LUZP4: variants seen among roughly 807,000 people sequenced by gnomAD.
LUZP4 encodes the protein leucine zipper protein 4.
LUZP4 carries 11 observed loss-of-function variants against 8.5 expected under a neutral mutation model. That is an observed-to-expected ratio of 1.30 (90% confidence interval 0.82 to 2.14). The LOEUF is 2.14. Among genes scored for constraint, LUZP4 ranks in the 30% most tolerant of loss-of-function variants. The probability of loss-of-function intolerance (pLI) is 0.00; values close to 1 mark genes in which losing one functional copy is unlikely to be tolerated. For missense variants in LUZP4, 276 were observed against 229.7 expected, an observed-to-expected ratio of 1.20 and a Z score of -1.30; for synonymous variants, 104 against 79.4, an observed-to-expected ratio of 1.31 and a Z score of -1.65.
chrX:115,291,877 G>C lies in LUZP4; in HGVS notation c.91+2027G>C, dbSNP rs782232309. On this transcript the variant is annotated intron_variant, in intron 1 of 3. Coordinates refer to ENST00000371920, the MANE Select transcript of LUZP4 (RefSeq NM_016383.5). Reference sequence around the variant, plus strand: ...ATGGAGGCTGCAGTGAGTTGAGATCGCCCCACTGCACTCCAGCCTGGGTGC... The same window carrying C: ...ATGGAGGCTGCAGTGAGTTGAGATCCCCCCACTGCACTCCAGCCTGGGTGC... Among the ~76,000 whole-genome samples the C allele has an allele frequency of 8.2e-5, 9 of 109,918 alleles. No individual in the cohort carries two copies. In the East Asian group the frequency reaches 2.3e-3, roughly 28 times the overall value.
intron 1 of LUZP4, among the ~76,000 whole-genome samples, chrX:115,295,557 T>G (rs1164119117): frequency 8.9e-6 from 1 of 112,171 alleles, no homozygotes; most frequent in African/African-American, 3.2e-5. Flanking sequence ...AACACATGCT[T>G]TAGAAAAGCA....
At chrX:115,304,606 G>A (rs2073411864) in intron 3 of LUZP4, among the ~76,000 whole-genome samples, 1 of 110,546 alleles carries the variant, frequency 9.0e-6, no homozygotes, top group African/African-American at 3.3e-5. Flanking sequence ...CTACCTCCCA[G>A]GCTCAAGCAA....
At chrX:115,290,749 A>G (rs1344966608) in intron 1 of LUZP4, among the ~76,000 whole-genome samples, 3 of 109,799 alleles carry the variant, frequency 2.7e-5, no homozygotes, top group African/African-American at 1.0e-4. Flanking sequence ...GAAATGGGGG[A>G]AGGAGGACAA....
At chrX:115,305,677 A>G (rs1556603500) in intron 3 of LUZP4, among the ~76,000 whole-genome samples, 1 of 112,828 alleles carries the variant, frequency 8.9e-6, no homozygotes, top group Non-Finnish European at 1.9e-5. Flanking sequence ...CTTGAATAGT[A>G]TTAAGCCAAC....
At chrX:115,302,354 A>T (rs1245129744) in intron 2 of LUZP4, among the ~76,000 whole-genome samples, 2 of 112,177 alleles carry the variant, frequency 1.8e-5, no homozygotes, top group African/African-American at 6.5e-5. Context: ...AGAGTGGGAT[A>T]AAAAAAGTAA....
chrX:115,292,899 G>C (rs782344630), intron 1 of LUZP4, among the ~76,000 whole-genome samples: 1 of 110,633 alleles, frequency 9.0e-6, no homozygotes, highest in African/African-American at 3.3e-5. Context: ...TTTTAAGATC[G>C]GTATCAATTT....
Position 115,306,287 on chromosome X carries a change from A to G in LUZP4, c.425A>G (p.Asn142Ser), listed in dbSNP as rs1556603768. Residue 142 changes from asparagine (N) to serine (S), a missense_variant, in exon 4 of 4, where the codon AAT becomes AGT. Transcript: ENST00000371920. ...GGGAACCAGCATCAATCAGAAGGAA[A>G]TCCGGACAAATCAGAAGAATCCCAG... The part of the protein sequence containing the change: ...SEGNQHQSEG[N>S]PDKSEESQGQ... The G allele has an allele frequency of 8.3e-7, 1 of 1,211,176 alleles. No homozygotes were observed. The highest frequency in any genetic ancestry group is 2.2e-5 in the Admixed American group (1 of 45,939).
chrX:115,301,058 A>T (rs782803845), intron 1 of LUZP4, among the ~76,000 whole-genome samples: 171 of 111,090 alleles, frequency 1.5e-3, no homozygotes, highest in African/African-American at 5.5e-3. Flanking sequence ...ACTAAGCAAA[A>T]TAATAAAGGA....
At chrX:115,303,532 C>T (rs1029130290) in intron 3 of LUZP4, 114 bp downstream of exon 3, 18 of 335,850 alleles carry the variant, frequency 5.4e-5, no homozygotes, top group African/African-American at 4.1e-4. Context: ...CTTGGTATTC[C>T]TCCATGGTGC....
Position 115,306,718 on chromosome X carries a change from G to A in LUZP4, c.856G>A (p.Asp286Asn). Residue 286 changes from aspartate (D) to asparagine (N), a missense_variant, in exon 4 of 4, where the codon GAT becomes AAT. Transcript: ENST00000371920. ...GAGAGATCTCGTGGCCACTGAGAGA[G>A]ATCTCATAAATCAGTCAGGGAGATC... ...TQRDLVATER[D>N]LINQSGRSHG... 1 of 1,210,842 alleles carries A rather than the reference G, an allele frequency of 8.3e-7. No individual in the cohort carries two copies. The highest frequency in any genetic ancestry group is 1.1e-6 in the Non-Finnish European group (1 of 895,243).
At position 115,301,924 on chromosome X, in the gene LUZP4, G is replaced by A. The variant is rs782141577; in HGVS notation, c.92-68G>A. ...CTGAAATATGATGAGATAAGATATAGATTATTCACTCGAGACATTATTTGG... is the reference window on the plus strand; with the variant it reads ...CTGAAATATGATGAGATAAGATATAAATTATTCACTCGAGACATTATTTGG... On this transcript the variant is annotated intron_variant, in intron 1 of 3. Transcript: ENST00000371920. The A allele has an allele frequency of 7.0e-6, 5 of 715,949 alleles. No individual in the cohort carries two copies. The South Asian group carries it at 1.9e-4, about 27-fold the overall frequency. 59.0% of individuals were successfully genotyped at this position (715,949 alleles called of 1,213,427 possible).
rs1008529146 is a variant in LUZP4 at position 115,294,530 on chromosome X, A to G, written c.91+4680A>G. 2.7e-5 allele frequency among the ~76,000 whole-genome samples: 3 copies of G among 111,823 alleles called. No homozygotes were observed. The South Asian group carries it at 1.1e-3, about 42-fold the overall frequency. On this transcript the variant is annotated intron_variant, in intron 1 of 3. Coordinates refer to ENST00000371920, the MANE Select transcript of LUZP4 (RefSeq NM_016383.5). ...AACGCTCACGTTTGGGTAGCCAGCA[A>G]TTTGGCAAGCTGGAGAAGTTACCTC...
intron 1 of LUZP4, among the ~76,000 whole-genome samples, chrX:115,295,772 C>T (rs1283728131): frequency 9.0e-6 from 1 of 110,530 alleles, no homozygotes; most frequent in African/African-American, 3.3e-5. Context: ...AACTCCACTC[C>T]CCTGTTAATT....
At chrX:115,300,482 T>G (rs1215256781) in intron 1 of LUZP4, among the ~76,000 whole-genome samples, 1 of 112,781 alleles carries the variant, frequency 8.9e-6, no homozygotes, top group African/African-American at 3.2e-5. Context: ...GGGCTGTGTA[T>G]GGCCTGCAGG....
At chrX:115,293,994 G>A (rs1172334386) in intron 1 of LUZP4, among the ~76,000 whole-genome samples, 7 of 111,449 alleles carry the variant, frequency 6.3e-5, no homozygotes, top group Non-Finnish European at 1.3e-4. Flanking sequence ...AAAATATTGT[G>A]TTGAGATATT....
rs190331723 is a variant in LUZP4, at chrX:115,303,485, G to C, written c.342+67G>C. 3 of 533,014 alleles carry C rather than the reference G, an allele frequency of 5.6e-6. No individual in the cohort carries two copies. In the African/African-American group the frequency reaches 7.3e-5, roughly 13 times the overall value. 43.9% of individuals were successfully genotyped at this position (533,014 alleles called of 1,213,427 possible). On this transcript the variant is annotated intron_variant, in intron 3 of 3. Transcript: ENST00000371920. ...ATTTACTATATTTCCTAATATTAAT[G>C]ATTTACTTTAAATTCTATTGAAAGC...
chrX:115,296,554 G>C (rs1385966922), intron 1 of LUZP4, among the ~76,000 whole-genome samples: 1 of 111,722 alleles, frequency 9.0e-6, no homozygotes, highest in African/African-American at 3.3e-5. Flanking sequence ...CATTAAGGAC[G>C]CTTTCTTCAT....
chrX:115,294,818 A>G (rs1196216592), intron 1 of LUZP4, among the ~76,000 whole-genome samples: 1 of 111,693 alleles, frequency 9.0e-6, no homozygotes, highest in African/African-American at 3.3e-5. Flanking sequence ...GGCTGAGGAA[A>G]GATGTTGAGT....
chrX:115,304,970 A>G (rs2073413957), intron 3 of LUZP4, among the ~76,000 whole-genome samples: 1 of 112,275 alleles, frequency 8.9e-6, no homozygotes, highest in African/African-American at 3.2e-5. Flanking sequence ...TGTTCACCCC[A>G]TGTATTTATT....
Sources: allele counts gnomAD v4.1 joint callset (sites outside exome capture counted in the v4.1 genomes callset), GRCh38; gene constraint gnomAD v4.1.1; transcripts MANE v1.5; gene names NCBI Gene and HGNC (gene_info 2026-07-23, HGNC 2026-07-21).